The following PRIMPOL variants were observed in gnomAD, a reference collection of about 807,000 sequenced individuals.
The protein encoded by PRIMPOL is primase and DNA directed polymerase.
Under a neutral mutation model 63.6 loss-of-function variants are expected in PRIMPOL, and 54 were observed. That is an observed-to-expected ratio of 0.85 (90% confidence interval 0.68 to 1.07). The LOEUF (loss-of-function observed/expected upper bound fraction) is 1.07, where lower values mean the gene tolerates loss of function less well. Among genes scored for constraint, PRIMPOL ranks in the 50% least tolerant of loss-of-function variants. The pLI is 0.00. For synonymous variants in PRIMPOL, 197 were observed against 220.2 expected (o/e 0.89, Z 0.93); for missense variants, 610 against 648.3 (o/e 0.94, Z 0.64).
Position 184,685,466 on chromosome 4 carries a change from T to C in PRIMPOL, c.1154T>C (p.Leu385Pro). The stretch of plus-strand genomic sequence containing the variant: ...TATCCTGAAGTTGATCATTTTGTTC[T>C]TTCTTTGGTGAATAAAGATGGCATT... Reference protein sequence around the residue: ...SPYPEVDHFVLSLVNKDGIKG... With the variant: ...SPYPEVDHFVPSLVNKDGIKG... Residue 385 changes from leucine to proline, a missense_variant, in exon 10 of 14, where the codon CTT becomes CCT. By Grantham distance (98) the Leu-to-Pro change is moderately conservative. Around this residue, in one of 3 missense-constraint regions of PRIMPOL, gnomAD observed 444 missense variants for 456.4 expected, o/e 0.97. Transcript: ENST00000314970. 1 of 1,613,248 alleles carries C rather than the reference T, an allele frequency of 6.2e-7. No homozygotes were observed. The highest frequency in any genetic ancestry group is 1.7e-4 in the Middle Eastern group (1 of 6,056).
chr4:184,683,306 C>T (rs934841782), intron 9 of PRIMPOL, among the ~76,000 whole-genome samples: 1 of 151,516 alleles, frequency 6.6e-6, no homozygotes, highest in South Asian at 2.1e-4. Flanking sequence ...GCCTGTAATC[C>T]GAGCTACTCA....
At chr4:184,665,017 G>A (rs762382261) in intron 5 of PRIMPOL, among the ~76,000 whole-genome samples, 12 of 152,104 alleles carry the variant, frequency 7.9e-5, no homozygotes, top group Admixed American at 2.6e-4. Context: ...AGTTTATTGC[G>A]TAACTTTGAG....
chr4:184,682,452 C>T (rs1362611687), intron 9 of PRIMPOL, 116 bp downstream of exon 9: 3 of 568,842 alleles, frequency 5.3e-6, no homozygotes, highest in Non-Finnish European at 9.6e-6. Flanking sequence ...AGGCTCAAGC[C>T]ATCTCCTGCC....
At chr4:184,666,102 T>C in intron 6 of PRIMPOL, 38 bp downstream of exon 6, 1 of 1,484,018 alleles carries the variant, frequency 6.7e-7, no homozygotes, top group Admixed American at 2.0e-5. Flanking sequence ...GGAGTTGTAT[T>C]CAAAACTCAT....
intron 2 of PRIMPOL, among the ~76,000 whole-genome samples, chr4:184,656,003 T>C (rs540651171): frequency 2.0e-5 from 3 of 152,300 alleles, no homozygotes; most frequent in Middle Eastern, 3.4e-3. Context: ...TTGATAGGTC[T>C]CTCTGGGACT....
intron 8 of PRIMPOL, among the ~76,000 whole-genome samples, chr4:184,680,726 A>G (rs1755401178): frequency 6.6e-6 from 1 of 152,200 alleles, no homozygotes; most frequent in Admixed American, 6.5e-5. Context: ...ACTAACACCT[A>G]TCTTACGGAG....
At chr4:184,679,672 C>T (rs1298150920) in intron 8 of PRIMPOL, among the ~76,000 whole-genome samples, 1 of 152,176 alleles carries the variant, frequency 6.6e-6, no homozygotes, top group Non-Finnish European at 1.5e-5. Context: ...GACCCCACAG[C>T]AGGAGGTGAG....
In PRIMPOL at chr4:184,694,561, A is replaced by G. The variant is rs1298768168; in HGVS notation, c.1465A>G (p.Ser489Gly). 7.4e-6 allele frequency: 12 copies of G among 1,614,060 alleles called. No homozygotes were observed. The highest frequency in any genetic ancestry group is 1.0e-5 in the Non-Finnish European group (12 of 1,179,916). Residue 489 changes from serine (S) to glycine (G), a missense_variant, in exon 14 of 14, where the codon AGC becomes GGC. By Grantham distance (56) the Ser-to-Gly change is moderately conservative. Transcript: ENST00000314970. ...FTTDEADETR[S>G]NETQNPHKPS... ...AACAGATGAAGCAGATGAAACTAGG[A>G]GCAATGAAACCCAGAATCCTCATAA... is the stretch of plus-strand genomic sequence containing the variant.
In PRIMPOL at chr4:184,672,368, A is replaced by T. The variant is rs893003038; in HGVS notation, c.752A>T (p.Glu251Val). 3 of 1,614,140 alleles carry T rather than the reference A, an allele frequency of 1.9e-6. No individual in the cohort carries two copies. Among genetic ancestry groups the T allele is most frequent in the Non-Finnish European group, 2.5e-6 (3 of 1,180,006 alleles). The change falls in exon 7 of 14, where the codon GAG (glutamate) becomes GTG (valine). Residue 251 changes from glutamate (E) to valine (V), a missense_variant. By Grantham distance (121) the Glu-to-Val change is moderately radical. Around this residue, in one of 3 missense-constraint regions of PRIMPOL, gnomAD observed 444 missense variants for 456.4 expected, o/e 0.97. Coordinates refer to ENST00000314970, the MANE Select transcript of PRIMPOL (RefSeq NM_152683.4). ...ESWTSNSKKL[E>V]RLGSAEQSSP... is the part of the protein sequence containing the mutation. ...TGGACATCGAATTCAAAGAAACTGG[A>T]GAGGCTGGGGTCAGCTGAGCAAAGC...
At position 184,658,218 on chromosome 4, in the gene PRIMPOL, CT is replaced by C. The variant is rs371224556; in HGVS notation, c.180+901del. On this transcript the variant is annotated intron_variant, in intron 3 of 13. Coordinates refer to ENST00000314970, the MANE Select transcript of PRIMPOL (RefSeq NM_152683.4). ...TGCTGGAAGTTTTAGAAGGACCTCT[CT>C]TTCTCTAGTAAGGGTAGGCTTACTC... Among the ~76,000 whole-genome samples the C allele has an allele frequency of 6.6e-4, 101 of 152,114 alleles. No homozygotes were observed. The South Asian group carries it at 7.5e-3, about 11-fold the overall frequency.
intron 7 of PRIMPOL, 74 bp downstream of exon 7, chr4:184,672,534 T>C (rs2150094549): frequency 4.9e-6 from 7 of 1,425,898 alleles, no homozygotes; most frequent in East Asian, 2.3e-5. Flanking sequence ...TGCCCACTCG[T>C]CACCGTGCTC....
At chr4:184,676,339 CCTTTCTCCTTTT>C (rs1240912550) in intron 7 of PRIMPOL, among the ~76,000 whole-genome samples, 4 of 114,776 alleles carry the variant, frequency 3.5e-5, no homozygotes, top group African/African-American at 9.9e-5. Flanking sequence ...CCCTTCCCTT[CCTTTCTCCTTTT>C]CCTTCCCTTC....
chr4:184,660,471 G>A (rs756734565), intron 4 of PRIMPOL, among the ~76,000 whole-genome samples: 36 of 152,216 alleles, frequency 2.4e-4, no homozygotes, highest in Admixed American at 4.6e-4. Context: ...ATGAGCCACC[G>A]CACCCAGCCG....
At chr4:184,681,338 C>T (rs1041101684) in intron 8 of PRIMPOL, among the ~76,000 whole-genome samples, 2 of 152,058 alleles carry the variant, frequency 1.3e-5, no homozygotes, top group African/African-American at 4.8e-5. Flanking sequence ...ATATAGTCGT[C>T]TCCTGGTGTC....
chr4:184,653,370 G>A lies in PRIMPOL; in HGVS notation c.-60+1270G>A, dbSNP rs116723217. Among the ~76,000 whole-genome samples, 525 of 152,266 alleles carry A rather than the reference G, an allele frequency of 3.4e-3. 3 individuals are homozygous for A. Among genetic ancestry groups the A allele is most frequent in the African/African-American group, 0.012 (492 of 41,566 alleles). On this transcript the variant is annotated intron_variant, in intron 2 of 13. Transcript: ENST00000314970. Reference sequence around the variant, plus strand: ...GCCTCTTCTCCCACTATAGTTACTCGAAAAGAACTAACATAGCCTTTTTTC... The same window carrying A: ...GCCTCTTCTCCCACTATAGTTACTCAAAAAGAACTAACATAGCCTTTTTTC...
chr4:184,687,192 T>C (rs991351424), intron 11 of PRIMPOL, among the ~76,000 whole-genome samples: 1 of 152,096 alleles, frequency 6.6e-6, no homozygotes, highest in Non-Finnish European at 1.5e-5. Context: ...TGCCTTAGCC[T>C]CTCAAGTAGC....
At position 184,691,793 on chromosome 4, in the gene PRIMPOL, A is replaced by G. The variant is rs572218390; in HGVS notation, c.1425+81A>G. On this transcript the variant is annotated intron_variant, in intron 13 of 13. Coordinates refer to ENST00000314970, the MANE Select transcript of PRIMPOL (RefSeq NM_152683.4). ...ATACCTGAGCCATGAGTAGTGTCCAAATAGCATTGAAACCCATTTGCTACC... is the reference window on the plus strand; with the variant it reads ...ATACCTGAGCCATGAGTAGTGTCCAGATAGCATTGAAACCCATTTGCTACC... 16 of 1,042,772 alleles carry G rather than the reference A, an allele frequency of 1.5e-5. 1 individual carries two copies. In the Admixed American group the frequency reaches 2.1e-4, roughly 14 times the overall value. 64.6% of individuals were successfully genotyped at this position (1,042,772 alleles called of 1,614,324 possible). A position where few individuals can be genotyped will look rare whatever the true frequency, so the allele number is the denominator to read the frequency against.
In PRIMPOL at chr4:184,672,073, G is replaced by A. The variant is rs79788284; in HGVS notation, c.557-100G>A. 1.7e-3 allele frequency: 1,873 copies of A among 1,114,694 alleles called. 22 individuals are homozygous for A. In the African/African-American group the frequency reaches 0.025, roughly 15 times the overall value. 69.1% of individuals were successfully genotyped at this position (1,114,694 alleles called of 1,614,324 possible). ...GTTTTGAAACCAGAAATCAAAAAATGGTTTTCTGTGTAAAATTGTCATATG... is the reference window on the plus strand; with the variant it reads ...GTTTTGAAACCAGAAATCAAAAAATAGTTTTCTGTGTAAAATTGTCATATG... On this transcript the variant is annotated intron_variant, in intron 6 of 13. Transcript: ENST00000314970.
intron 4 of PRIMPOL, among the ~76,000 whole-genome samples, chr4:184,661,287 A>G (rs909833372): frequency 6.6e-6 from 1 of 152,236 alleles, no homozygotes; most frequent in South Asian, 2.1e-4. Context: ...GAAACCCTTG[A>G]TAAGATGAGC....
Sources: allele counts gnomAD v4.1 joint callset (sites outside exome capture counted in the v4.1 genomes callset), GRCh38; gene constraint gnomAD v4.1.1; regional missense constraint gnomAD v4.1.1; transcripts MANE v1.5; gene names NCBI Gene and HGNC (gene_info 2026-07-23, HGNC 2026-07-21).